The following PRKCH variants were observed in gnomAD, a reference collection of about 807,000 sequenced individuals.
PRKCH encodes protein kinase C eta, also known as protein kinase C eta type.
Under a neutral mutation model 82.5 loss-of-function variants are expected in PRKCH, and 28 were observed. The observed-to-expected ratio is 0.34, with a 90% CI of 0.25 to 0.47. The LOEUF is 0.47. Ranked by LOEUF, PRKCH falls within the 20% of genes least tolerant of loss-of-function variation. The probability of loss-of-function intolerance (pLI) is 1.00; values close to 1 mark genes in which losing one functional copy is unlikely to be tolerated. For synonymous variants in PRKCH, 322 were observed against 327.4 expected (o/e 0.98, Z 0.18); for missense variants, 705 against 881.8 (o/e 0.80, Z 2.54).
intron 1 of PRKCH, among the ~76,000 whole-genome samples, chr14:61,232,637 G>A (rs1176008715): frequency 6.6e-6 from 1 of 152,244 alleles, no homozygotes; most frequent in East Asian, 1.9e-4. Context: ...TGAATCCCCA[G>A]TATGTAGAAG....
intron 10 of PRKCH, among the ~76,000 whole-genome samples, chr14:61,491,001 C>T (rs1406888627): frequency 6.6e-6 from 1 of 152,166 alleles, no homozygotes; most frequent in African/African-American, 2.4e-5. Flanking sequence ...CACTCTCTCT[C>T]TCTCCCTGCA....
At chr14:61,207,476 C>G (rs180705778) in intron 1 of PRKCH, among the ~76,000 whole-genome samples, 2 of 152,236 alleles carry the variant, frequency 1.3e-5, no homozygotes, top group East Asian at 3.9e-4. Context: ...TGTTTTCTGC[C>G]CATACCACCC....
At chr14:61,477,886 T>C (rs1885798347) in intron 9 of PRKCH, among the ~76,000 whole-genome samples, 1 of 152,174 alleles carries the variant, frequency 6.6e-6, no homozygotes, top group South Asian at 2.1e-4. Context: ...GGGGAGCTGC[T>C]GCAGTTGCTG....
At chr14:61,370,380 G>A (rs1217822295) in intron 1 of PRKCH, among the ~76,000 whole-genome samples, 1 of 152,114 alleles carries the variant, frequency 6.6e-6, no homozygotes, top group Non-Finnish European at 1.5e-5. Flanking sequence ...CTTTACTGGA[G>A]TCACCTGGAG....
At chr14:61,418,284 G>A (rs1882665437) in intron 2 of PRKCH, among the ~76,000 whole-genome samples, 1 of 152,240 alleles carries the variant, frequency 6.6e-6, no homozygotes, top group Admixed American at 6.5e-5. Context: ...TCATGGGCCA[G>A]GCTCTAGCCT....
At chr14:61,422,785 G>A (rs1436424481) in intron 2 of PRKCH, among the ~76,000 whole-genome samples, 1 of 152,088 alleles carries the variant, frequency 6.6e-6, no homozygotes, top group Non-Finnish European at 1.5e-5. Context: ...TAGAGTCTAG[G>A]CATCCCCATT....
At chr14:61,528,929 T>G in intron 10 of PRKCH, 146 bp from the exon 11 acceptor site, 1 of 739,494 alleles carries the variant, frequency 1.4e-6, no homozygotes, top group Non-Finnish European at 2.0e-6. Context: ...GTTTGTTCCT[T>G]TTGACGTGTG....
At chr14:61,229,293 C>T (rs903563711) in intron 1 of PRKCH, among the ~76,000 whole-genome samples, 3 of 152,014 alleles carry the variant, frequency 2.0e-5, no homozygotes, top group African/African-American at 7.3e-5. Context: ...GGTGGGCAGG[C>T]GCTAAGTATA....
chr14:61,329,232 G>GTTTTTTTTTTTT (rs369546229), intron 1 of PRKCH, among the ~76,000 whole-genome samples: 1 of 16,136 alleles, frequency 6.2e-5, no homozygotes, highest in African/African-American at 1.1e-4. Context: ...AAACTCCTGA[G>GTTTTTTTTTTTT]TCTTTTTTTT....
chr14:61,530,321 C>A (rs2140007780), intron 11 of PRKCH, 86 bp from the exon 12 acceptor site: 2 of 1,339,392 alleles, frequency 1.5e-6, no homozygotes, highest in Non-Finnish European at 9.9e-7. Flanking sequence ...TTGATATTTC[C>A]TAATGCATCA....
intron 1 of PRKCH, among the ~76,000 whole-genome samples, chr14:61,374,468 G>T (rs892878012): frequency 2.6e-5 from 4 of 152,038 alleles, no homozygotes; most frequent in Non-Finnish European, 5.9e-5. Context: ...GGTTCACCAT[G>T]AGGGCTCCAT....
At chr14:61,401,470 C>T (rs189259789) in intron 2 of PRKCH, among the ~76,000 whole-genome samples, 162 of 152,324 alleles carry the variant, frequency 1.1e-3, no homozygotes, top group African/African-American at 3.3e-3. Context: ...GAGACATTTT[C>T]AGGAAGTCTG....
At chr14:61,384,798 G>T (rs2046562800) in intron 1 of PRKCH, among the ~76,000 whole-genome samples, 1 of 152,032 alleles carries the variant, frequency 6.6e-6, no homozygotes, top group Non-Finnish European at 1.5e-5. Flanking sequence ...CCACTTCGGG[G>T]ACTCAAAAGT....
At position 61,276,681 on chromosome 14, in the gene PRKCH, A is replaced by G. The variant is rs148044042; in HGVS notation, c.-19+89013A>G. Among the ~76,000 whole-genome samples, 519 of 110,892 alleles carry G rather than the reference A, an allele frequency of 4.7e-3. 1 individual carries two copies. Among genetic ancestry groups the G allele is most frequent in the African/African-American group, 0.016 (474 of 29,182 alleles). The allele number at this position is 110,892 out of a possible 152,430, so 72.7% of individuals were successfully genotyped here. A position where few individuals can be genotyped will look rare whatever the true frequency, so the allele number is the denominator to read the frequency against. ...GGGAATTTACTTTTTGATTACGTGTATGCCCTTGGACTTCTTATATCCAAG... is the reference window on the plus strand; with the variant it reads ...GGGAATTTACTTTTTGATTACGTGTGTGCCCTTGGACTTCTTATATCCAAG... On this transcript the variant is annotated intron_variant, in intron 1 of 3. Coordinates refer to the PRKCH transcript ENST00000555185.
In PRKCH at chr14:61,539,536, G is replaced by A. The variant is rs768527647; in HGVS notation, c.1762-8207G>A. On this transcript the variant is annotated intron_variant, in intron 12 of 13. Coordinates refer to ENST00000332981, the MANE Select transcript of PRKCH (RefSeq NM_006255.5). Reference sequence around the variant, plus strand: ...CTGCCAGGTAAGGCACTGACCCACCGGCATTCTCAAATATACCCACATGCC... The same window carrying A: ...CTGCCAGGTAAGGCACTGACCCACCAGCATTCTCAAATATACCCACATGCC... 3.9e-5 allele frequency among the ~76,000 whole-genome samples: 6 copies of A among 152,122 alleles called. No individual in the cohort carries two copies. The East Asian group carries it at 7.7e-4, about 20-fold the overall frequency.
intron 1 of PRKCH, among the ~76,000 whole-genome samples, chr14:61,272,062 A>G (rs2045158419): frequency 6.6e-6 from 1 of 151,346 alleles, no homozygotes; most frequent in Non-Finnish European, 1.5e-5. Flanking sequence ...CGTCTCTACT[A>G]AAAAAAATAC....
chr14:61,513,267 A>G (rs1022504559), intron 10 of PRKCH, among the ~76,000 whole-genome samples: 1 of 152,232 alleles, frequency 6.6e-6, no homozygotes, highest in Non-Finnish European at 1.5e-5. Context: ...CAGTTCAGTT[A>G]GTACTTAATT....
At chr14:61,448,128 A>G (rs1884314264) in intron 4 of PRKCH, among the ~76,000 whole-genome samples, 1 of 152,210 alleles carries the variant, frequency 6.6e-6, no homozygotes, top group Non-Finnish European at 1.5e-5. Flanking sequence ...ATATAAAAAG[A>G]CCAGTTCTCT....
chr14:61,251,106 T>C (rs978873756), intron 1 of PRKCH, among the ~76,000 whole-genome samples: 15 of 152,334 alleles, frequency 9.8e-5, no homozygotes, highest in African/African-American at 3.6e-4. Flanking sequence ...TGTATATATT[T>C]ATGGAGTACA....
Sources: gnomAD v4.1 joint callset for allele counts (sites outside exome capture counted in the v4.1 genomes callset) on GRCh38, gnomAD v4.1.1 for gene constraint, MANE v1.5 for transcripts, NCBI Gene and HGNC (gene_info 2026-07-23, HGNC 2026-07-21) for gene names.